The following ULK4 variants were observed in gnomAD, a reference collection of about 807,000 sequenced individuals.
ULK4 encodes the protein unc-51 like kinase 4.
In ULK4, 133 loss-of-function variants were observed where a neutral mutation model predicts 160.6. That is an observed-to-expected ratio of 0.83 (90% CI 0.72 to 0.96). ULK4 has a LOEUF of 0.96. Ranked by LOEUF, ULK4 falls within the 40% of genes least tolerant of loss-of-function variation. The probability of loss-of-function intolerance (pLI) is 0.00; values close to 1 mark genes in which losing one functional copy is unlikely to be tolerated. For missense variants in ULK4, 1,580 were observed against 1,499.5 expected (o/e 1.05, Z -0.89); for synonymous variants, 534 against 539.8 (o/e 0.99, Z 0.15).
At chr3:41,441,277 G>A (rs967502307) in intron 34 of ULK4, among the ~76,000 whole-genome samples, 10 of 152,008 alleles carry the variant, frequency 6.6e-5, no homozygotes, top group Non-Finnish European at 1.3e-4. Flanking sequence ...TAAAAGAGGA[G>A]TCATGTGCTG....
intron 25 of ULK4, among the ~76,000 whole-genome samples, chr3:41,706,036 T>C (rs568620943): frequency 6.6e-6 from 1 of 152,062 alleles, no homozygotes; most frequent in Non-Finnish European, 1.5e-5. Flanking sequence ...GTCTTCAAAT[T>C]TCGCCACTGT....
chr3:41,835,891 C>T lies in ULK4; in HGVS notation c.1737G>A (p.Gly579=), dbSNP rs776514183. 3.3e-5 allele frequency: 54 copies of T among 1,612,774 alleles called. No homozygotes were observed. Among genetic ancestry groups the T allele is most frequent in the Non-Finnish European group, 4.2e-5 (50 of 1,179,372 alleles). The change falls in exon 18 of 37, where the codon GGG becomes GGA. Residue 579 remains glycine (G), a synonymous_variant. Transcript: ENST00000301831. ...KLKQCLLPTL[G]ELIYLVATQE... ...GGGTGGCTACAAGATAGATCAGCTC[C>T]CCAAGGGTTGGTAAAAGGCACTGTT...
chr3:41,916,100 T>C (rs757185063), intron 7 of ULK4, 48 bp from the exon 8 acceptor site: 5 of 1,218,318 alleles, frequency 4.1e-6, no homozygotes, highest in Non-Finnish European at 5.8e-6. Flanking sequence ...AGTAAATACA[T>C]ATCAATTTTA....
At chr3:41,620,101 T>C (rs897685891) in intron 30 of ULK4, among the ~76,000 whole-genome samples, 3 of 152,106 alleles carry the variant, frequency 2.0e-5, no homozygotes, top group African/African-American at 4.8e-5. Context: ...TAAGAAGATC[T>C]GAAATTGAGG....
intron 21 of ULK4, among the ~76,000 whole-genome samples, chr3:41,778,060 A>G (rs1444427851): frequency 7.8e-6 from 1 of 128,560 alleles, no homozygotes; most frequent in Non-Finnish European, 1.6e-5. Context: ...TTTGCAGACG[A>G]CATGATTGTT....
intron 32 of ULK4, among the ~76,000 whole-genome samples, chr3:41,565,022 ATACT>A (rs1377748939): frequency 6.6e-6 from 1 of 152,220 alleles, no homozygotes; most frequent in Admixed American, 6.5e-5. Context: ...AAATATACAA[ATACT>A]TACACCTCTG....
chr3:41,561,197 C>T (rs1262968889), intron 32 of ULK4, among the ~76,000 whole-genome samples: 1 of 152,198 alleles, frequency 6.6e-6, no homozygotes, highest in Admixed American at 6.5e-5. Flanking sequence ...ACCAGCCTTG[C>T]ATCCCAGGGA....
At chr3:41,541,800 G>A (rs971426743) in intron 32 of ULK4, among the ~76,000 whole-genome samples, 1 of 152,082 alleles carries the variant, frequency 6.6e-6, no homozygotes, top group African/African-American at 2.4e-5. Flanking sequence ...ATTGTGAATG[G>A]GAGTTCGCTC....
intron 31 of ULK4, among the ~76,000 whole-genome samples, chr3:41,567,664 T>A (rs1575426087): frequency 1.3e-5 from 2 of 152,050 alleles, no homozygotes; most frequent in South Asian, 4.2e-4. Flanking sequence ...AGGGTTTGAC[T>A]GTGTTGGCCA....
At chr3:41,563,451 G>GT (rs2087674565) in intron 32 of ULK4, among the ~76,000 whole-genome samples, 1 of 152,262 alleles carries the variant, frequency 6.6e-6, no homozygotes, top group South Asian at 2.1e-4. Flanking sequence ...CCTGAAGAGT[G>GT]TTTTCCACCT....
chr3:41,432,097 C>G (rs565043218), intron 34 of ULK4, among the ~76,000 whole-genome samples: 3 of 152,102 alleles, frequency 2.0e-5, no homozygotes, highest in Admixed American at 6.6e-5. Context: ...ATGCACAGCT[C>G]CATGCTATTA....
chr3:41,907,470 T>A (rs1459932650), intron 12 of ULK4, among the ~76,000 whole-genome samples: 1 of 151,912 alleles, frequency 6.6e-6, no homozygotes, highest in Admixed American at 6.6e-5. Flanking sequence ...CTAATTTTTT[T>A]TTATTTTTTA....
chr3:41,893,945 T>C (rs528873895), intron 16 of ULK4, among the ~76,000 whole-genome samples: 1 of 152,260 alleles, frequency 6.6e-6, no homozygotes, highest in South Asian at 2.1e-4. Flanking sequence ...TCGCTGGAAG[T>C]GGCTTTGAAT....
At chr3:41,495,812 A>G (rs1272948459) in intron 32 of ULK4, among the ~76,000 whole-genome samples, 3 of 152,006 alleles carry the variant, frequency 2.0e-5, no homozygotes, top group African/African-American at 7.2e-5. Flanking sequence ...TACGCAGCCA[A>G]AAGACACATG....
chr3:41,344,709 T>C (rs12152316), intron 35 of ULK4, among the ~76,000 whole-genome samples: 32,450 of 140,452 alleles, frequency 0.23, 3,719 homozygotes, highest in African/African-American at 0.27. Flanking sequence ...GCCGCGGTCA[T>C]GATATTGTAC....
chr3:41,628,600 A>G (rs1344079483), intron 30 of ULK4, among the ~76,000 whole-genome samples: 1 of 152,222 alleles, frequency 6.6e-6, no homozygotes, highest in African/African-American at 2.4e-5. Context: ...AGGCTGAGGA[A>G]CTGTTCCAGA....
chr3:41,387,141 C>G (rs1274670746), intron 35 of ULK4, among the ~76,000 whole-genome samples: 1 of 152,018 alleles, frequency 6.6e-6, no homozygotes, highest in Non-Finnish European at 1.5e-5. Context: ...ATGGGGTACA[C>G]AGTAAGGTTT....
Position 41,717,717 on chromosome 3 carries a change from C to T in ULK4, c.2455+11G>A. On this transcript the variant is annotated intron_variant, in intron 23 of 36. Transcript: ENST00000301831. ...GCAGAAATGGGGCCTGAGGATGAGA[C>T]TCCAATTTACCCAGGATTCGTGGCA... 1.2e-6 allele frequency: 2 copies of T among 1,605,688 alleles called. No individual in the cohort carries two copies. The highest frequency in any genetic ancestry group is 1.7e-6 in the Non-Finnish European group (2 of 1,173,678).
intron 35 of ULK4, among the ~76,000 whole-genome samples, chr3:41,317,470 A>G (rs929547333): frequency 6.6e-6 from 1 of 152,122 alleles, no homozygotes; most frequent in Non-Finnish European, 1.5e-5. Context: ...CACAGAACAG[A>G]TTATTGATAA....
Sources: gnomAD v4.1 joint callset for allele counts (sites outside exome capture counted in the v4.1 genomes callset) on GRCh38, gnomAD v4.1.1 for gene constraint, MANE v1.5 for transcripts, NCBI Gene and HGNC (gene_info 2026-07-23, HGNC 2026-07-21) for gene names.